DERL2: variants seen among roughly 807,000 people sequenced by gnomAD.
The protein encoded by DERL2 is derlin-2.
A neutral mutation model predicts 32.0 loss-of-function variants in DERL2; 13 were observed. That is an observed-to-expected ratio of 0.41 (90% CI 0.26 to 0.65). The LOEUF (loss-of-function observed/expected upper bound fraction) is 0.65. Among genes scored for constraint, DERL2 ranks in the 30% least tolerant of loss-of-function variants. DERL2 has a pLI of 0.35. For synonymous variants in DERL2, 111 were observed against 104.7 expected, an observed-to-expected ratio of 1.06 and a Z score of -0.37; for missense variants, 208 against 296.3, an observed-to-expected ratio of 0.70 and a Z score of 2.19.
chr17:5,486,270 C>T, upstream of DERL2: 3 of 865,542 alleles, frequency 3.5e-6, no homozygotes, highest in Non-Finnish European at 5.2e-6. Flanking sequence ...TTAGTTTTCC[C>T]GCGACTGCCC....
At chr17:5,486,587 C>G (rs1253510349), upstream of DERL2, 2 of 157,942 alleles carry the variant, frequency 1.3e-5, no homozygotes, top group Non-Finnish European at 2.8e-5. Flanking sequence ...TTTTGGGGAG[C>G]CAACCGCGCC....
At position 5,486,090 on chromosome 17, in the gene DERL2, G is replaced by A; in HGVS notation, c.72C>T (p.Cys24=). The A allele has an allele frequency of 1.2e-6, 2 of 1,611,274 alleles. No homozygotes were observed. The highest frequency in any genetic ancestry group is 2.2e-5 in the East Asian group (1 of 44,678). The change falls in exon 1 of 7, where the codon TGC becomes TGT. Residue 24 remains cysteine, a synonymous_variant. Transcript: ENST00000158771. ...TCACCACGGCGGCGGTGGTGAGGAC[G>A]CAGGCAGTGGTGTAGGCGCGGCTGA... The part of the protein sequence containing the change: ...PPVSRAYTTA[C]VLTTAAVQLE...
At chr17:5,475,260 T>A (rs73339288) in intron 6 of DERL2, among the ~76,000 whole-genome samples, 25,774 of 147,444 alleles carry the variant, frequency 0.17, 2,915 homozygotes, top group African/African-American at 0.33. Flanking sequence ...ATAATAGAAT[T>A]TTTTTTTTTT....
At position 5,481,719 on chromosome 17, in the gene DERL2, G is replaced by A. The variant is rs958911403; in HGVS notation, c.234-330C>T. On this transcript the variant is annotated intron_variant, in intron 3 of 6. Coordinates refer to ENST00000158771, the MANE Select transcript of DERL2 (RefSeq NM_016041.5). The surrounding 1 kb of genome is among the most constrained non-coding windows in gnomAD (Gnocchi z 4.4). ...GGATGGAGTGCAATGGTGCCATATC[G>A]GCTCACTGCAAGCTCCGCCTCTCAG... is the stretch of plus-strand genomic sequence containing the variant. Among the ~76,000 whole-genome samples the A allele has an allele frequency of 2.6e-5, 4 of 151,386 alleles. No individual in the cohort carries two copies. The highest frequency in any genetic ancestry group is 2.0e-4 in the Admixed American group (3 of 15,198).
chr17:5,480,644 A>T, intron 4 of DERL2, 62 bp from the exon 5 acceptor site: 1 of 1,338,178 alleles, frequency 7.5e-7, no homozygotes, highest in Non-Finnish European at 9.9e-7. Context: ...ACTGAGCAGG[A>T]GAACTAAAGA....
Position 5,486,119 on chromosome 17 carries a change from G to C in DERL2, c.43C>G (p.Pro15Ala), listed in dbSNP as rs1208038114. The stretch of plus-strand genomic sequence containing the variant: ...GCAGTGGTGTAGGCGCGGCTGACCG[G>C]TGGGATCTGCAGGTACTCCAGCCGC... Reference protein sequence around the residue: ...SLRLEYLQIPPVSRAYTTACV... With the variant: ...SLRLEYLQIPAVSRAYTTACV... The change falls in exon 1 of 7, where the codon CCG (proline) becomes GCG (alanine). Residue 15 changes from proline (P) to alanine (A), a missense_variant. This residue lies in a region of DERL2 where 44 missense variants were observed against 42.3 expected (regional missense o/e 1.04). Transcript: ENST00000158771. The C allele has an allele frequency of 1.2e-6, 2 of 1,611,058 alleles. No homozygotes were observed. Among genetic ancestry groups the C allele is most frequent in the Non-Finnish European group, 1.7e-6 (2 of 1,178,922 alleles).
intron 6 of DERL2, among the ~76,000 whole-genome samples, chr17:5,477,674 G>A (rs571836514): frequency 2.6e-5 from 4 of 152,006 alleles, no homozygotes; most frequent in Non-Finnish European, 5.9e-5. Context: ...ATTTTTTTCT[G>A]ATTTCCTATA....
At chr17:5,483,857 G>A (rs924123513) in intron 2 of DERL2, among the ~76,000 whole-genome samples, 1 of 152,198 alleles carries the variant, frequency 6.6e-6, no homozygotes, top group Non-Finnish European at 1.5e-5. Context: ...AGCGCCATGT[G>A]AGTATTGTGC....
intron 5 of DERL2, 64 bp from the exon 6 acceptor site, chr17:5,480,208 C>G (rs933566284): frequency 7.8e-7 from 1 of 1,276,110 alleles, no homozygotes; most frequent in East Asian, 2.3e-5. Flanking sequence ...GGTAGACCTA[C>G]CAACACAAAT....
In DERL2 at chr17:5,474,982, T is replaced by G. The variant is rs1751265756; in HGVS notation, c.615-193A>C. ...ACATTAGCTTTTATCTTTTACTGAT[T>G]TTTACTACAAAAGCAATCCAAATCA... On this transcript the variant is annotated intron_variant, in intron 6 of 6. Transcript: ENST00000158771. This position sits in a 1 kb window ranked among gnomAD's most constrained non-coding sequence, Gnocchi z 4.3. Among the ~76,000 whole-genome samples the G allele has an allele frequency of 6.6e-6, 1 of 152,186 alleles. No individual in the cohort carries two copies. The highest frequency in any genetic ancestry group is 1.5e-5 in the Non-Finnish European group (1 of 68,038).
At chr17:5,478,730 C>T (rs144173884) in intron 6 of DERL2, among the ~76,000 whole-genome samples, 4 of 152,338 alleles carry the variant, frequency 2.6e-5, no homozygotes, top group African/African-American at 9.6e-5. Context: ...AGTATAATTA[C>T]ACCATATCCA....
At chr17:5,482,325 G>A (rs1905844091) in intron 3 of DERL2, 1 of 164,410 alleles carries the variant, frequency 6.1e-6, no homozygotes, top group African/African-American at 2.4e-5. Flanking sequence ...CAGAGCTGGG[G>A]TTTTCCTTTC....
At chr17:5,477,176 A>C (rs1905449998) in intron 6 of DERL2, among the ~76,000 whole-genome samples, 1 of 152,242 alleles carries the variant, frequency 6.6e-6, no homozygotes, top group South Asian at 2.1e-4. Context: ...AATAAAAAGG[A>C]ACAAATTACC....
intron 1 of DERL2, chr17:5,485,821 C>G (rs1449038047): frequency 2.0e-5 from 8 of 398,486 alleles, no homozygotes; most frequent in Non-Finnish European, 3.6e-5. Context: ...TCCCGCAACC[C>G]TAACCCGCTA....
intron 2 of DERL2, among the ~76,000 whole-genome samples, 196 bp downstream of exon 2, chr17:5,484,955 T>A (rs1313621326): frequency 1.3e-5 from 2 of 152,230 alleles, no homozygotes. Flanking sequence ...AGCTTGAGAA[T>A]CTCTTCAAAG....
chr17:5,477,418 G>C (rs1905464475), intron 6 of DERL2, among the ~76,000 whole-genome samples: 1 of 152,142 alleles, frequency 6.6e-6, no homozygotes, highest in Admixed American at 6.5e-5. Flanking sequence ...TTTCTGTCTT[G>C]ATAGATACAC....
rs940427229 is a variant in DERL2, at chr17:5,481,883, CGT to C, written c.234-496_234-495del. Among the ~76,000 whole-genome samples, 7 of 152,132 alleles carry C rather than the reference CGT, an allele frequency of 4.6e-5. No individual in the cohort carries two copies. The highest frequency in any genetic ancestry group is 1.7e-4 in the African/African-American group (7 of 41,420). On this transcript the variant is annotated intron_variant, in intron 3 of 6. Coordinates refer to ENST00000158771, the MANE Select transcript of DERL2 (RefSeq NM_016041.5). This position sits in a 1 kb window ranked among gnomAD's most constrained non-coding sequence, Gnocchi z 4.4. ...CAGGCTGGTCTCAAACTCCTGACCT[CGT>C]GATCCACTGCCTTGGCCTCCCCAAG...
At chr17:5,476,652 A>G (rs972864611) in intron 6 of DERL2, among the ~76,000 whole-genome samples, 8 of 152,266 alleles carry the variant, frequency 5.3e-5, no homozygotes, top group Non-Finnish European at 1.0e-4. Flanking sequence ...GTGGTGGCGC[A>G]TGCCTATGAT....
intron 6 of DERL2, 39 bp downstream of exon 6, chr17:5,480,015 T>C: frequency 7.7e-7 from 1 of 1,293,166 alleles, no homozygotes. Flanking sequence ...CTGTCCTGGT[T>C]TGCCTGTAAG....
Sources: gnomAD v4.1 joint callset for allele counts (sites outside exome capture counted in the v4.1 genomes callset) on GRCh38, gnomAD v4.1.1 for gene constraint, gnomAD v4.1.1 regional missense constraint, Gnocchi (gnomAD v3.1) non-coding constraint, MANE v1.5 for transcripts, NCBI Gene and HGNC (gene_info 2026-07-23, HGNC 2026-07-21) for gene names.